Variants in PTPRT observed in about 807,000 individuals in gnomAD.
PTPRT encodes the protein protein tyrosine phosphatase receptor type T.
PTPRT carries 56 observed loss-of-function variants against 176.8 expected under a neutral mutation model. The ratio of observed to expected loss-of-function variants is 0.32; its 90% CI spans 0.26 to 0.40. PTPRT has a LOEUF of 0.40. Among genes scored for constraint, PTPRT ranks in the 10% least tolerant of loss-of-function variants. The pLI, the probability that PTPRT is intolerant of heterozygous loss-of-function variation, is 1.00. For missense variants in PTPRT, 1,540 were observed against 1,908.2 expected (o/e 0.81, Z 3.60); for synonymous variants, 783 against 739.0 (o/e 1.06, Z -0.96).
chr20:42,385,460 G>A (rs1390957130), intron 9 of PTPRT, among the ~76,000 whole-genome samples: 1 of 152,164 alleles, frequency 6.6e-6, no homozygotes, highest in Non-Finnish European at 1.5e-5. Context: ...GGTAGAGGGA[G>A]GACATGATTT....
At chr20:42,287,134 T>C (rs1278568509) in intron 12 of PTPRT, among the ~76,000 whole-genome samples, 1 of 151,990 alleles carries the variant, frequency 6.6e-6, no homozygotes, top group Non-Finnish European at 1.5e-5. Flanking sequence ...ACATTGTTGA[T>C]GGGAATGTAA....
At chr20:42,104,251 T>C (rs1986217603) in intron 25 of PTPRT, among the ~76,000 whole-genome samples, 1 of 152,202 alleles carries the variant, frequency 6.6e-6, no homozygotes, top group Admixed American at 6.5e-5. Flanking sequence ...GGAGGATTCC[T>C]TGAGCCCAGG....
chr20:42,121,713 A>G (rs969047920), intron 19 of PTPRT, among the ~76,000 whole-genome samples: 22 of 148,710 alleles, frequency 1.5e-4, no homozygotes, highest in Non-Finnish European at 2.8e-4. Flanking sequence ...ATATATATAT[A>G]TATAGTATTC....
At chr20:42,637,827 C>G (rs2074640867) in intron 7 of PTPRT, among the ~76,000 whole-genome samples, 1 of 152,076 alleles carries the variant, frequency 6.6e-6, no homozygotes, top group African/African-American at 2.4e-5. Context: ...GAAAGAGCAA[C>G]TGCAAATATA....
chr20:42,306,645 C>G (rs1386303250), intron 12 of PTPRT, among the ~76,000 whole-genome samples: 1 of 152,130 alleles, frequency 6.6e-6, no homozygotes, highest in Admixed American at 6.5e-5. Flanking sequence ...TACGTGGGGG[C>G]CTCTGGGTCA....
intron 9 of PTPRT, among the ~76,000 whole-genome samples, chr20:42,388,753 G>T (rs1279497138): frequency 6.6e-6 from 1 of 152,190 alleles, no homozygotes; most frequent in Non-Finnish European, 1.5e-5. Context: ...AATACCATTT[G>T]ACCCAGCCAT....
At chr20:42,418,219 T>C (rs944295705) in intron 9 of PTPRT, among the ~76,000 whole-genome samples, 1 of 152,232 alleles carries the variant, frequency 6.6e-6, no homozygotes, top group African/African-American at 2.4e-5. Context: ...GGTCAAATGA[T>C]ACAATTTTGG....
rs1162404768 is a variant in PTPRT, at chr20:43,026,367, C to T, written c.89-140435G>A. 4.6e-5 allele frequency among the ~76,000 whole-genome samples: 7 copies of T among 152,236 alleles called. No homozygotes were observed. In the East Asian group the frequency reaches 7.7e-4, roughly 17 times the overall value. On this transcript the variant is annotated intron_variant, in intron 1 of 30. Transcript: ENST00000373187. ...TCCTGACCTCGTTGTCTGCCTGCCT[C>T]GGCCTCGCAAAGTGCTGGGATTACA...
intron 7 of PTPRT, among the ~76,000 whole-genome samples, chr20:42,628,951 A>G (rs1003718880): frequency 6.6e-6 from 1 of 152,200 alleles, no homozygotes; most frequent in Non-Finnish European, 1.5e-5. Flanking sequence ...ACTTAGCAAG[A>G]AAGTAGCAGA....
chr20:43,129,891 T>G, intron 1 of PTPRT, among the ~76,000 whole-genome samples: 1 of 152,116 alleles, frequency 6.6e-6, no homozygotes. Context: ...GTGCTGGGAT[T>G]ACAGGCGTGA....
chr20:42,110,036 T>C (rs1249159982), intron 23 of PTPRT, among the ~76,000 whole-genome samples: 3 of 149,420 alleles, frequency 2.0e-5, no homozygotes, highest in African/African-American at 7.4e-5. Context: ...CTAGGGTAGG[T>C]GGAGGACTTT....
intron 16 of PTPRT, among the ~76,000 whole-genome samples, chr20:42,185,688 C>A (rs1568653679): frequency 6.6e-6 from 1 of 152,134 alleles, no homozygotes. Flanking sequence ...TCTAAATATT[C>A]CTTTTAGTTT....
At position 42,333,481 on chromosome 20, in the gene PTPRT, G is replaced by A. The variant is rs552611288; in HGVS notation, c.1865+17147C>T. On this transcript the variant is annotated intron_variant, in intron 11 of 30. Transcript: ENST00000373187. ...CGAGTAGCTGGGACTACAGGCACAG[G>A]TGCCACCATGCCCATCTAATTTTTG... 1.4e-3 allele frequency among the ~76,000 whole-genome samples: 207 copies of A among 151,780 alleles called. 2 individuals carry two copies. The highest frequency in any genetic ancestry group is 4.6e-3 in the African/African-American group (189 of 41,378).
chr20:42,224,207 C>T (rs979121753), intron 15 of PTPRT, among the ~76,000 whole-genome samples: 1 of 152,174 alleles, frequency 6.6e-6, no homozygotes, highest in Non-Finnish European at 1.5e-5. Context: ...GGCTTCTGAA[C>T]ACACATTTCT....
At chr20:42,611,314 C>G (rs985416707) in intron 7 of PTPRT, among the ~76,000 whole-genome samples, 4 of 152,202 alleles carry the variant, frequency 2.6e-5, no homozygotes, top group Admixed American at 2.6e-4. Flanking sequence ...TTTTCACATT[C>G]TCTCCAACAC....
intron 17 of PTPRT, among the ~76,000 whole-genome samples, chr20:42,157,748 C>T (rs528131729): frequency 6.6e-6 from 1 of 152,322 alleles, no homozygotes; most frequent in South Asian, 2.1e-4. Flanking sequence ...CTGCTTACAA[C>T]CAATAGTACA....
intron 1 of PTPRT, among the ~76,000 whole-genome samples, chr20:43,118,406 C>T (rs1398873042): frequency 1.3e-5 from 2 of 152,158 alleles, no homozygotes; most frequent in African/African-American, 4.8e-5. Flanking sequence ...TTCATTTAAT[C>T]CTCCTCACGG....
the PTPRT span, among the ~76,000 whole-genome samples, chr20:42,061,893 C>T: frequency 3.3e-5 from 5 of 152,232 alleles, no homozygotes; most frequent in African/African-American, 1.2e-4. Flanking sequence ...ATGCAAAAAA[C>T]TGCATTTTAA....
chr20:42,396,322 A>T (rs2058849029), intron 9 of PTPRT, among the ~76,000 whole-genome samples: 2 of 152,092 alleles, frequency 1.3e-5, no homozygotes, highest in Admixed American at 1.3e-4. Context: ...ACTACTTCTC[A>T]TCACTCCCTC....
Sources: gnomAD v4.1 joint callset for allele counts (sites outside exome capture counted in the v4.1 genomes callset) on GRCh38, gnomAD v4.1.1 for gene constraint, MANE v1.5 for transcripts, NCBI Gene and HGNC (gene_info 2026-07-23, HGNC 2026-07-21) for gene names.